Variants in RAD51B observed in about 807,000 individuals in gnomAD.
RAD51B encodes DNA repair protein RAD51 homolog 2.
A neutral mutation model predicts 42.2 loss-of-function variants in RAD51B; 38 were observed. The ratio of observed to expected loss-of-function variants is 0.90; its 90% CI spans 0.70 to 1.18. The LOEUF is 1.18. Ranked by LOEUF, RAD51B falls within the 50% of genes most tolerant of loss-of-function variation. RAD51B has a pLI of 0.00. For synonymous variants in RAD51B, 154 were observed against 145.2 expected (o/e 1.06, Z -0.43); for missense variants, 373 against 400.7 (o/e 0.93, Z 0.59).
Position 68,477,725 on chromosome 14 carries a change from G to A in RAD51B, c.*61G>A, listed in dbSNP as rs144374671. 155 of 1,587,790 alleles carry A rather than the reference G, an allele frequency of 9.8e-5. 1 individual carries two copies. The Admixed American group carries it at 1.6e-3, about 16-fold the overall frequency. ...GTGATTTGTGAAATAAAACAGGACC[G>A]TACTGCTTGGAAGAAGGAAACGGAA... On this transcript the variant is annotated 3_prime_UTR_variant, in exon 11 of 11. Coordinates refer to ENST00000471583, the MANE Select transcript of RAD51B (RefSeq NM_133510.4).
chr14:68,507,243 A>G (rs576278738), intron 10 of RAD51B, among the ~76,000 whole-genome samples: 2 of 152,262 alleles, frequency 1.3e-5, no homozygotes, highest in South Asian at 2.1e-4. Context: ...GTGCTGTTTT[A>G]GCACCCAATC....
chr14:68,340,437 G>A (rs1049929786), intron 8 of RAD51B, among the ~76,000 whole-genome samples: 2 of 152,154 alleles, frequency 1.3e-5, no homozygotes, highest in Non-Finnish European at 2.9e-5. Flanking sequence ...TGACACCTCT[G>A]GGGATCTAAT....
chr14:68,344,672 G>A (rs193139400), intron 8 of RAD51B, among the ~76,000 whole-genome samples: 13 of 150,428 alleles, frequency 8.6e-5, no homozygotes, highest in Admixed American at 6.0e-4. Context: ...AATAGCCTGG[G>A]TGCGGTGGCT....
intron 7 of RAD51B, among the ~76,000 whole-genome samples, chr14:68,107,205 G>C (rs757388640): frequency 1.3e-5 from 2 of 151,694 alleles, no homozygotes; most frequent in Non-Finnish European, 3.0e-5. Context: ...TTTTACCTTA[G>C]TGCTCCATGA....
At chr14:68,667,497 C>T (rs1893056899) in intron 11 of RAD51B, among the ~76,000 whole-genome samples, 1 of 142,442 alleles carries the variant, frequency 7.0e-6, no homozygotes, top group Admixed American at 7.1e-5. Flanking sequence ...AAGTATTTGA[C>T]CAAATAGCTG....
In RAD51B at chr14:68,540,757, T is replaced by C. The variant is rs1251304697; in HGVS notation, c.1037-53728T>C. On this transcript the variant is annotated intron_variant, in intron 10 of 10. Coordinates refer to the RAD51B transcript ENST00000487270. ...TAGTGAGGGACACTTTGTGAAGAAA[T>C]GACAGCTTGTGAGGACTCCAAGGTT... The C allele has an allele frequency of 5.1e-6, 5 of 985,190 alleles. No individual in the cohort carries two copies. The African/African-American group carries it at 7.0e-5, about 14-fold the overall frequency. 61.0% of individuals were successfully genotyped at this position (985,190 alleles called of 1,614,324 possible). A position where few individuals can be genotyped will look rare whatever the true frequency, so the allele number is the denominator to read the frequency against.
intron 7 of RAD51B, among the ~76,000 whole-genome samples, chr14:68,119,305 T>A (rs906822429): frequency 5.3e-5 from 8 of 150,744 alleles, no homozygotes; most frequent in African/African-American, 1.9e-4. Flanking sequence ...ATTTATTTAT[T>A]TTTTATTTTA....
chr14:68,393,720 A>G (rs540415989), intron 8 of RAD51B, among the ~76,000 whole-genome samples: 1 of 152,314 alleles, frequency 6.6e-6, no homozygotes, highest in South Asian at 2.1e-4. Flanking sequence ...TGACATGGCA[A>G]TGGAGGCCTA....
At chr14:68,503,205 G>A (rs1885042333) in intron 10 of RAD51B, among the ~76,000 whole-genome samples, 1 of 152,238 alleles carries the variant, frequency 6.6e-6, no homozygotes, top group African/African-American at 2.4e-5. Flanking sequence ...GAGGGAGGGT[G>A]GAGGGCGTAA....
chr14:68,144,326 G>A lies in RAD51B; in HGVS notation c.757-147558G>A, dbSNP rs553596789. The stretch of plus-strand genomic sequence containing the variant: ...TCTCATATTGGCTCTTAGTGAGGGC[G>A]GCTGAGCAAAGAGGCACTTGGTTGT... On this transcript the variant is annotated intron_variant, in intron 7 of 10. Transcript: ENST00000471583. 5.9e-5 allele frequency among the ~76,000 whole-genome samples: 9 copies of A among 152,312 alleles called. No individual in the cohort carries two copies. The East Asian group carries it at 1.3e-3, about 23-fold the overall frequency.
chr14:68,648,088 TG>T (rs1892609629), intron 10 of RAD51B, among the ~76,000 whole-genome samples: 3 of 19,910 alleles, frequency 1.5e-4, no homozygotes, highest in Non-Finnish European at 2.5e-4. Flanking sequence ...TATATATACG[TG>T]TGTGTATATA....
intron 7 of RAD51B, among the ~76,000 whole-genome samples, chr14:67,915,201 C>A (rs2044111533): frequency 6.6e-6 from 1 of 152,084 alleles, no homozygotes; most frequent in Admixed American, 6.6e-5. Flanking sequence ...TTGTAACAAA[C>A]CTGTGCATTT....
chr14:68,267,968 A>G (rs56048833), intron 7 of RAD51B, among the ~76,000 whole-genome samples: 5,137 of 152,338 alleles, frequency 0.034, 125 homozygotes, highest in Non-Finnish European at 0.052. Context: ...GCAGACTTCC[A>G]TGCAGTTCTC....
chr14:68,025,598 C>G (rs2075942205), intron 7 of RAD51B, among the ~76,000 whole-genome samples: 1 of 145,248 alleles, frequency 6.9e-6, no homozygotes, highest in Admixed American at 7.2e-5. Context: ...CTGATTCAAT[C>G]TTGGGAGACT....
intron 10 of RAD51B, among the ~76,000 whole-genome samples, chr14:68,645,780 C>T (rs1892552790): frequency 6.6e-6 from 1 of 152,160 alleles, no homozygotes; most frequent in Non-Finnish European, 1.5e-5. Context: ...CACATCCCTC[C>T]TCCAATTCCT....
chr14:68,421,617 T>C (rs567471110), intron 9 of RAD51B: 39 of 1,116,334 alleles, frequency 3.5e-5, no homozygotes, highest in Non-Finnish European at 5.1e-5. Context: ...TCTAGGATAC[T>C]GCGAGCAAAC....
At chr14:68,225,222 T>G (rs1366992336) in intron 7 of RAD51B, among the ~76,000 whole-genome samples, 4 of 152,218 alleles carry the variant, frequency 2.6e-5, no homozygotes, top group Non-Finnish European at 5.9e-5. Context: ...ACTGAATTAT[T>G]TGCACTAATG....
At chr14:68,321,206 T>C (rs1006879467) in intron 8 of RAD51B, among the ~76,000 whole-genome samples, 1 of 151,824 alleles carries the variant, frequency 6.6e-6, no homozygotes, top group Non-Finnish European at 1.5e-5. Flanking sequence ...TAGTAGGAGG[T>C]ATAATGTTAT....
intron 11 of RAD51B, among the ~76,000 whole-genome samples, chr14:68,651,559 T>C (rs1892698838): frequency 2.0e-5 from 3 of 152,214 alleles, no homozygotes; most frequent in Admixed American, 2.0e-4. Context: ...GGTTTTGCTA[T>C]ATAGCTGAAG....
Sources: gnomAD v4.1 joint callset for allele counts (sites outside exome capture counted in the v4.1 genomes callset) on GRCh38, gnomAD v4.1.1 for gene constraint, MANE v1.5 for transcripts, NCBI Gene and HGNC (gene_info 2026-07-23, HGNC 2026-07-21) for gene names.